PHACTR4: variants seen among roughly 807,000 people sequenced by gnomAD.
The protein encoded by PHACTR4 is protein phosphatase 1, regulatory subunit 124.
A neutral mutation model predicts 72.7 loss-of-function variants in PHACTR4; 51 were observed. The ratio of observed to expected loss-of-function variants is 0.70; its 90% CI spans 0.56 to 0.89. PHACTR4 has a LOEUF of 0.89. Ranked by LOEUF, PHACTR4 falls within the 40% of genes least tolerant of loss-of-function variation. PHACTR4 has a pLI of 0.00. For synonymous variants in PHACTR4, 255 were observed against 302.5 expected (o/e 0.84, Z 1.63); for missense variants, 731 against 861.8 (o/e 0.85, Z 1.90).
intron 9 of PHACTR4, among the ~76,000 whole-genome samples, chr1:28,485,444 G>A (rs1403882160): frequency 6.6e-5 from 10 of 151,420 alleles, no homozygotes; most frequent in Admixed American, 2.0e-4. Context: ...AAAATTAGCC[G>A]GGTGTTGTGG....
At chr1:28,425,844 C>T (rs1416647017) in intron 2 of PHACTR4, among the ~76,000 whole-genome samples, 1 of 152,202 alleles carries the variant, frequency 6.6e-6, no homozygotes, top group Non-Finnish European at 1.5e-5. Context: ...TAGTCATAGT[C>T]ACATGTTTCA....
intron 1 of PHACTR4, among the ~76,000 whole-genome samples, chr1:28,379,584 ATTTCT>A (rs1479767879): frequency 7.4e-6 from 1 of 134,990 alleles, no homozygotes; most frequent in Non-Finnish European, 1.6e-5. Context: ...CTGGCCTATA[ATTTCT>A]TTTCTTTTTT....
At chr1:28,435,878 A>G (rs901484249) in intron 2 of PHACTR4, among the ~76,000 whole-genome samples, 2 of 152,226 alleles carry the variant, frequency 1.3e-5, no homozygotes, top group Admixed American at 6.5e-5. Context: ...GCTAATAAGT[A>G]TAAGTACCTA....
At chr1:28,419,048 T>TTTTTTTTTGAGACGGAGTCTCG (rs1278920262) in intron 2 of PHACTR4, among the ~76,000 whole-genome samples, 1 of 149,490 alleles carries the variant, frequency 6.7e-6, no homozygotes, top group African/African-American at 2.5e-5. Context: ...ATGATTTTTT[T>TTTTTTTTTGAGACGGAGTCTCG]CTAGGGAAGT....
chr1:28,432,676 G>T (rs1327452713), intron 2 of PHACTR4, among the ~76,000 whole-genome samples: 1 of 152,050 alleles, frequency 6.6e-6, no homozygotes, highest in Non-Finnish European at 1.5e-5. Context: ...TCATTAGAGG[G>T]CTTTAAGTGC....
chr1:28,408,165 A>G (rs1654497089), intron 2 of PHACTR4, among the ~76,000 whole-genome samples: 1 of 152,226 alleles, frequency 6.6e-6, no homozygotes, highest in Admixed American at 6.6e-5. Flanking sequence ...ATCACTCAGT[A>G]ACTTATGTAT....
chr1:28,459,165 A>T lies in PHACTR4; in HGVS notation c.97A>T (p.Arg33Trp). 6.2e-7 allele frequency: 1 copy of T among 1,614,060 alleles called. No homozygotes were observed. Reference sequence around the variant, plus strand: ...AGGAGACACAACACCTCCTACCAAAAGGAAGAGCAAGTTCTCAGGCTTTGG... The same window carrying T: ...AGGAGACACAACACCTCCTACCAAATGGAAGAGCAAGTTCTCAGGCTTTGG... Reference protein sequence around the residue: ...EAGDTTPPTKRKSKFSGFGKI... With the variant: ...EAGDTTPPTKWKSKFSGFGKI... Residue 33 changes from arginine to tryptophan, a missense_variant, in exon 3 of 14, where the codon AGG becomes TGG. Physicochemically the swap from Arg to Trp is moderately radical, Grantham distance 101. Transcript: ENST00000373839.
intron 1 of PHACTR4, among the ~76,000 whole-genome samples, chr1:28,398,537 G>A (rs919365725): frequency 1.3e-5 from 2 of 151,314 alleles, no homozygotes; most frequent in African/African-American, 4.9e-5. Flanking sequence ...AAATAAAATA[G>A]GCCGAGCACG....
At chr1:28,388,320 T>C (rs757001672) in intron 1 of PHACTR4, among the ~76,000 whole-genome samples, 4 of 152,176 alleles carry the variant, frequency 2.6e-5, no homozygotes, top group Non-Finnish European at 5.9e-5. Context: ...TATTTCAAAA[T>C]ATGCGACAAA....
chr1:28,420,986 G>A (rs1014033110), intron 2 of PHACTR4, among the ~76,000 whole-genome samples: 1 of 152,154 alleles, frequency 6.6e-6, no homozygotes, highest in Admixed American at 6.5e-5. Context: ...GGTTTATGAT[G>A]CCAGTTTGGT....
At chr1:28,467,458 T>G (rs895549657) in intron 6 of PHACTR4, among the ~76,000 whole-genome samples, 4 of 151,844 alleles carry the variant, frequency 2.6e-5, no homozygotes, top group Non-Finnish European at 5.9e-5. Flanking sequence ...AGATTCCACC[T>G]GCATGGAATT....
chr1:28,414,200 C>T (rs1654954162), intron 2 of PHACTR4, among the ~76,000 whole-genome samples: 1 of 151,916 alleles, frequency 6.6e-6, no homozygotes, highest in African/African-American at 2.4e-5. Context: ...CCTCAGCCTC[C>T]CGAGTAACTG....
intron 1 of PHACTR4, among the ~76,000 whole-genome samples, chr1:28,372,374 CTTTG>C (rs1651313769): frequency 6.6e-6 from 1 of 152,152 alleles, no homozygotes; most frequent in Admixed American, 6.6e-5. Context: ...CCCTGTATTA[CTTTG>C]TTTGATATCT....
chr1:28,446,858 C>G (rs1424097435), intron 2 of PHACTR4, among the ~76,000 whole-genome samples: 4 of 152,120 alleles, frequency 2.6e-5, no homozygotes, highest in Non-Finnish European at 5.9e-5. Flanking sequence ...TCTACTCCCC[C>G]TTCATCTTCC....
chr1:28,460,222 GA>G lies in PHACTR4; in HGVS notation c.205del (p.Ile69TyrfsTer35). The stretch of plus-strand genomic sequence containing the variant: ...CCAATTTAATGTTAGTTTTAGAACG[GA>G]AAATATCTATGCGAAAGCCAAGAGA... ...FKETSEVLER[K>X]ISMRKPREEL... On this transcript the variant is annotated frameshift_variant, in exon 4 of 14. Coordinates refer to ENST00000373839, the MANE Select transcript of PHACTR4 (RefSeq NM_001048183.3). LOFTEE classifies it high-confidence loss of function. 6.2e-7 allele frequency: 1 copy of G among 1,613,194 alleles called. No individual in the cohort carries two copies.
intron 1 of PHACTR4, among the ~76,000 whole-genome samples, chr1:28,379,254 C>T (rs1651941057): frequency 6.7e-6 from 1 of 149,190 alleles, no homozygotes; most frequent in African/African-American, 2.5e-5. Flanking sequence ...CATGGCCAGC[C>T]TATAATTTCT....
At chr1:28,473,357 G>C (rs555914573) in intron 6 of PHACTR4, among the ~76,000 whole-genome samples, 197 bp from the exon 7 acceptor site, 2 of 151,510 alleles carry the variant, frequency 1.3e-5, no homozygotes, top group East Asian at 3.9e-4. Flanking sequence ...CTACACCTCT[G>C]TACATTTATT....
intron 1 of PHACTR4, among the ~76,000 whole-genome samples, chr1:28,401,321 G>A (rs11247804): frequency 1.2e-5 from 1 of 80,732 alleles, no homozygotes; most frequent in Non-Finnish European, 2.4e-5. Context: ...TTTTTTTTTT[G>A]GGGGGGATGG....
chr1:28,417,398 A>G (rs568205281), intron 2 of PHACTR4, among the ~76,000 whole-genome samples: 1 of 152,344 alleles, frequency 6.6e-6, no homozygotes, highest in South Asian at 2.1e-4. Flanking sequence ...TTTAATAACA[A>G]TAACTAATAA....
Sources: gnomAD v4.1 joint callset for allele counts (sites outside exome capture counted in the v4.1 genomes callset) on GRCh38, gnomAD v4.1.1 for gene constraint, MANE v1.5 for transcripts, NCBI Gene and HGNC (gene_info 2026-07-23, HGNC 2026-07-21) for gene names.